KCTD13: variants seen among roughly 807,000 people sequenced by gnomAD.
KCTD13 encodes potassium channel tetramerization domain containing 13.
In KCTD13, 15 loss-of-function variants were observed where a neutral mutation model predicts 32.3. That is an observed-to-expected ratio of 0.46 (90% CI 0.31 to 0.71). The LOEUF is 0.71. Among genes scored for constraint, KCTD13 ranks in the 30% least tolerant of loss-of-function variants. KCTD13 has a pLI of 0.05. For synonymous variants in KCTD13, 189 were observed against 200.1 expected, an observed-to-expected ratio of 0.94 and a Z score of 0.47; for missense variants, 337 against 452.6, an observed-to-expected ratio of 0.74 and a Z score of 2.32.
At chr16:29,920,636 T>C (rs899347138) in intron 2 of KCTD13, 2 of 152,132 alleles carry the variant, frequency 1.3e-5, no homozygotes, top group African/African-American at 2.4e-5. Context: ...CTAGTGAGTA[T>C]ATGAAAAGAT....
chr16:29,907,993 G>A (rs1597010075), intron 5 of KCTD13, among the ~76,000 whole-genome samples: 2 of 146,786 alleles, frequency 1.4e-5, no homozygotes, highest in African/African-American at 2.6e-5. Context: ...AAAAAAAAAA[G>A]AGAGAGAGAG....
chr16:29,919,170 C>T (rs1162055450), intron 2 of KCTD13, among the ~76,000 whole-genome samples: 3 of 152,082 alleles, frequency 2.0e-5, no homozygotes, highest in East Asian at 1.9e-4. Flanking sequence ...CAAACGATAC[C>T]GGGAGTAAAC....
At chr16:29,916,812 G>A (rs1395140258) in intron 2 of KCTD13, among the ~76,000 whole-genome samples, 2 of 152,256 alleles carry the variant, frequency 1.3e-5, no homozygotes, top group Non-Finnish European at 2.9e-5. Flanking sequence ...TGAAGCTGCA[G>A]TCTGGATTTT....
At position 29,906,754 on chromosome 16, in the gene KCTD13, G is replaced by C; in HGVS notation, c.*118C>G. On this transcript the variant is annotated 3_prime_UTR_variant, in exon 6 of 6. Coordinates refer to ENST00000568000, the MANE Select transcript of KCTD13 (RefSeq NM_178863.5). ...AAAGTGAGCTGTGCCATGCAATGAA[G>C]GGACAGAGGAGGACCCACGACTTGG... 1 of 798,594 alleles carries C rather than the reference G, an allele frequency of 1.3e-6. No individual in the cohort carries two copies. The highest frequency in any genetic ancestry group is 2.1e-6 in the Non-Finnish European group (1 of 483,470). The allele number at this position is 798,594 out of a possible 1,614,324, so 49.5% of individuals were successfully genotyped here. A position where few individuals can be genotyped will look rare whatever the true frequency, so the allele number is the denominator to read the frequency against.
chr16:29,914,193 AG>A (rs1353833615), intron 2 of KCTD13: 1 of 152,162 alleles, frequency 6.6e-6, no homozygotes, highest in Non-Finnish European at 1.5e-5. Flanking sequence ...GATGACACAC[AG>A]GAACGAGCAC....
intron 2 of KCTD13, chr16:29,913,388 G>T (rs2068751635): frequency 6.6e-6 from 1 of 152,178 alleles, no homozygotes; most frequent in South Asian, 2.1e-4. Flanking sequence ...ATCAGAAACA[G>T]ACCACTGTGT....
At chr16:29,918,204 T>A (rs1278838954) in intron 2 of KCTD13, among the ~76,000 whole-genome samples, 1 of 152,246 alleles carries the variant, frequency 6.6e-6, no homozygotes, top group East Asian at 1.9e-4. Flanking sequence ...TATCAATTTG[T>A]GTGTCATTGA....
chr16:29,909,702 T>A (rs1227969617), intron 5 of KCTD13, among the ~76,000 whole-genome samples: 2 of 151,700 alleles, frequency 1.3e-5, no homozygotes, highest in African/African-American at 2.4e-5. Flanking sequence ...TTTTTTTTTT[T>A]AATTAGAGTT....
chr16:29,916,369 G>A (rs184100369), intron 2 of KCTD13, among the ~76,000 whole-genome samples: 1 of 152,150 alleles, frequency 6.6e-6, no homozygotes, highest in East Asian at 1.9e-4. Flanking sequence ...TATTACAAGT[G>A]TGAACCACTG....
In KCTD13 at chr16:29,909,702, T is replaced by TA. The variant is rs2068672682; in HGVS notation, c.753+1275dup. On this transcript the variant is annotated intron_variant, in intron 5 of 5. Transcript: ENST00000568000. ...TCTGAGTTTCCCTTTTTTTTTTTTT[T>TA]AATTAGAGTTAGGGCTCACTCTGTC... Among the ~76,000 whole-genome samples the TA allele has an allele frequency of 2.0e-5, 3 of 151,700 alleles. No homozygotes were observed. In the South Asian group the frequency reaches 6.3e-4, roughly 32 times the overall value.
chr16:29,923,291 C>G lies in KCTD13; in HGVS notation c.313G>C (p.Val105Leu), dbSNP rs1196172954. The change falls in exon 2 of 6, where the codon GTG becomes CTG. Residue 105 changes from valine to leucine, a missense_variant. By Grantham distance (32) the Val-to-Leu change is conservative (BLOSUM62 1). Transcript: ENST00000568000. ...TCTCTCGTACTCTCCGGCAGTGGCA[C>G]AGACCCATCCCGCAGGTAATTGAGG... is the stretch of plus-strand genomic sequence containing the variant. ...TILNYLRDGS[V>L]PLPESTRELG... 2 of 1,614,202 alleles carry G rather than the reference C, an allele frequency of 1.2e-6. No homozygotes were observed. Among genetic ancestry groups the G allele is most frequent in the Non-Finnish European group, 1.7e-6 (2 of 1,180,030 alleles).
At chr16:29,917,865 T>C (rs1445014583) in intron 2 of KCTD13, among the ~76,000 whole-genome samples, 2 of 152,142 alleles carry the variant, frequency 1.3e-5, no homozygotes, top group African/African-American at 4.8e-5. Flanking sequence ...TGAAAATTGT[T>C]TGAACCTGGG....
At chr16:29,915,542 C>G (rs1160705427) in intron 2 of KCTD13, among the ~76,000 whole-genome samples, 5 of 151,180 alleles carry the variant, frequency 3.3e-5, no homozygotes, top group African/African-American at 1.2e-4. Flanking sequence ...ATCGCAGCTA[C>G]TCAGGAGGCT....
rs774099037 is a variant in KCTD13, at chr16:29,907,103, T to G, written c.759A>C (p.Glu253Asp). Residue 253 changes from glutamate to aspartate, a missense_variant, in exon 6 of 6, where the codon GAA becomes GAC. By Grantham distance (45) the Glu-to-Asp change is conservative. Coordinates refer to ENST00000568000, the MANE Select transcript of KCTD13 (RefSeq NM_178863.5). Reference protein sequence around the residue: ...YATEKKQTKVEFPEARIFEET... With the variant: ...YATEKKQTKVDFPEARIFEET... ...CCTCGAAGATCCGGGCCTCTGGAAA[T>G]TCCACCTGCAAAAGGCCAGCCGGCC... The G allele has an allele frequency of 1.2e-6, 2 of 1,601,872 alleles. No individual in the cohort carries two copies. Among genetic ancestry groups the G allele is most frequent in the South Asian group, 2.2e-5 (2 of 90,526 alleles).
Position 29,912,042 on chromosome 16 carries a change from C to CT in KCTD13, c.421dup (p.Arg141LysfsTer39). The stretch of plus-strand genomic sequence containing the variant: ...GAGGCACAGCGGGGACAGCGTCTCC[C>CT]TTTTTTGCTGGGGAAGAAGCGGAAG... On this transcript the variant is annotated frameshift_variant, in exon 3 of 6. Transcript: ENST00000568000. LOFTEE classifies it high-confidence loss of function. 2.5e-6 allele frequency: 4 copies of CT among 1,604,298 alleles called. No homozygotes were observed. The highest frequency in any genetic ancestry group is 1.7e-6 in the Non-Finnish European group (2 of 1,175,264).
intron 2 of KCTD13, among the ~76,000 whole-genome samples, chr16:29,919,188 C>A (rs1452704543): frequency 6.6e-6 from 1 of 152,168 alleles, no homozygotes; most frequent in Non-Finnish European, 1.5e-5. Flanking sequence ...AACAACCAGG[C>A]AAAGTTGGAA....
Position 29,911,127 on chromosome 16 carries a change from G to C in KCTD13, c.604C>G (p.Leu202Val). ...LLKNIELFDK[L>V]ALRFHGRLLF... The stretch of plus-strand genomic sequence containing the variant: ...AGCCGCCCGTGGAAGCGCAGGGCCA[G>C]CTTGTCGAACAGCTCGATGTTCTTA... Residue 202 changes from leucine (L) to valine (V), a missense_variant, in exon 5 of 6, where the codon CTG becomes GTG. Around this residue, in one of 3 missense-constraint regions of KCTD13, gnomAD observed 252 missense variants for 340.2 expected, o/e 0.74. Coordinates refer to ENST00000568000, the MANE Select transcript of KCTD13 (RefSeq NM_178863.5). 6.2e-7 allele frequency: 1 copy of C among 1,614,176 alleles called. No homozygotes were observed. The highest frequency in any genetic ancestry group is 8.5e-7 in the Non-Finnish European group (1 of 1,180,012).
chr16:29,920,319 A>G (rs1047088832), intron 2 of KCTD13: 2 of 152,200 alleles, frequency 1.3e-5, no homozygotes, highest in African/African-American at 4.8e-5. Context: ...GCAAGACTCC[A>G]CCTCAAAAAA....
At chr16:29,916,312 C>T (rs2068808582) in intron 2 of KCTD13, among the ~76,000 whole-genome samples, 1 of 151,728 alleles carries the variant, frequency 6.6e-6, no homozygotes, top group Non-Finnish European at 1.5e-5. Context: ...TGGTCTCGAA[C>T]TCCTGAACTC....
Sources: allele counts gnomAD v4.1 joint callset (sites outside exome capture counted in the v4.1 genomes callset), GRCh38; gene constraint gnomAD v4.1.1; regional missense constraint gnomAD v4.1.1; transcripts MANE v1.5; gene names NCBI Gene and HGNC (gene_info 2026-07-23, HGNC 2026-07-21).